Variants in MTNR1B observed in about 807,000 individuals in gnomAD.
The protein encoded by MTNR1B is melatonin receptor type 1B.
In MTNR1B, 7 loss-of-function variants were observed where a neutral mutation model predicts 7.0. That is an observed-to-expected ratio of 1.00 (90% confidence interval 0.57 to 1.88). The LOEUF (loss-of-function observed/expected upper bound fraction) is 1.88, where lower values mean the gene tolerates loss of function less well. MTNR1B is among the 40% of genes most tolerant of loss of function. The probability of loss-of-function intolerance (pLI) is 0.00; values close to 1 mark genes in which losing one functional copy is unlikely to be tolerated. For missense variants in MTNR1B, 478 were observed against 486.5 expected (o/e 0.98, Z 0.16); for synonymous variants, 226 against 208.2 (o/e 1.09, Z -0.74).
At chr11:92,984,525 G>A (rs572772296), downstream of MTNR1B, among the ~76,000 whole-genome samples, 2 of 152,242 alleles carry the variant, frequency 1.3e-5, no homozygotes, top group African/African-American at 2.4e-5. Flanking sequence ...GGCATGTATT[G>A]TTTTCTGTTC....
intron 1 of MTNR1B, among the ~76,000 whole-genome samples, chr11:92,971,660 C>T (rs2136508783): frequency 6.6e-6 from 1 of 152,202 alleles, no homozygotes. Context: ...GGCCATGGCT[C>T]CCTGCTCAGT....
chr11:92,983,924 C>T (rs2134501799), downstream of MTNR1B, among the ~76,000 whole-genome samples: 1 of 152,290 alleles, frequency 6.6e-6, no homozygotes, highest in Non-Finnish European at 1.5e-5. Flanking sequence ...TAGTAAGAAA[C>T]TGAAACTCAA....
chr11:92,981,886 G>A lies in MTNR1B; in HGVS notation c.663G>A (p.Leu221=). The A allele has an allele frequency of 6.2e-7, 1 of 1,614,190 alleles. No homozygotes were observed. The highest frequency in any genetic ancestry group is 8.5e-7 in the Non-Finnish European group (1 of 1,180,036). ...LPIAVVSFCY[L]RIWVLVLQAR... ...TCGCTGTCGTGTCCTTCTGCTACCT[G>A]CGCATCTGGGTGCTGGTGCTTCAGG... The change falls in exon 2 of 2, where the codon CTG becomes CTA. Residue 221 remains leucine, a synonymous_variant. Coordinates refer to ENST00000257068, the MANE Select transcript of MTNR1B (RefSeq NM_005959.5).
chr11:92,977,905 A>G (rs1858035995), intron 1 of MTNR1B, among the ~76,000 whole-genome samples: 1 of 152,236 alleles, frequency 6.6e-6, no homozygotes, highest in Non-Finnish European at 1.5e-5. Context: ...CTTCCCCAAC[A>G]TATCCCTCTT....
intron 1 of MTNR1B, 61 bp from the exon 2 acceptor site, chr11:92,981,386 T>C (rs1858098925): frequency 2.6e-6 from 4 of 1,553,088 alleles, no homozygotes; most frequent in South Asian, 2.5e-5. Flanking sequence ...GAGGGTAGGA[T>C]GTTCTACAGA....
At chr11:92,976,220 C>T (rs1858007323) in intron 1 of MTNR1B, among the ~76,000 whole-genome samples, 1 of 152,130 alleles carries the variant, frequency 6.6e-6, no homozygotes, top group Non-Finnish European at 1.5e-5. Context: ...CTGAAAGCTC[C>T]TACTGGCTCT....
chr11:92,979,504 A>AT (rs1229379314), intron 1 of MTNR1B, among the ~76,000 whole-genome samples: 3 of 152,238 alleles, frequency 2.0e-5, no homozygotes, highest in Non-Finnish European at 4.4e-5. Flanking sequence ...AAATCTGTGA[A>AT]TAGTAGAGTA....
Position 92,981,624 on chromosome 11 carries a change from T to C in MTNR1B, c.401T>C (p.Ile134Thr). ...VIGSVFNITA[I>T]AINRYCYICH... ...GGCTCTGTCTTCAATATCACTGCCATCGCCATTAACCGCTACTGCTACATC... is the reference window on the plus strand; with the variant it reads ...GGCTCTGTCTTCAATATCACTGCCACCGCCATTAACCGCTACTGCTACATC... Residue 134 changes from isoleucine to threonine, a missense_variant, in exon 2 of 2, where the codon ATC (isoleucine) becomes ACC (threonine). Coordinates refer to ENST00000257068, the MANE Select transcript of MTNR1B (RefSeq NM_005959.5). The C allele has an allele frequency of 6.2e-7, 1 of 1,614,206 alleles. No individual in the cohort carries two copies. Among genetic ancestry groups the C allele is most frequent in the Non-Finnish European group, 8.5e-7 (1 of 1,180,048 alleles).
downstream of MTNR1B, chr11:92,984,804 T>C (rs1369459163): frequency 4.5e-6 from 2 of 440,872 alleles, no homozygotes; most frequent in South Asian, 3.3e-5. Flanking sequence ...CTTGGATCCA[T>C]AGGTTTTTGG....
intron 1 of MTNR1B, chr11:92,972,472 C>T (rs1857946043): frequency 4.4e-6 from 2 of 455,868 alleles, no homozygotes; most frequent in Non-Finnish European, 8.8e-6. Flanking sequence ...GATATCCTAT[C>T]TGTAGTGTCT....
chr11:92,981,428 G>T lies in MTNR1B; in HGVS notation c.224-19G>T. On this transcript the variant is annotated intron_variant, in intron 1 of 1. Transcript: ENST00000257068. ...GTCGTGGGGTCTCGTGCTGACTGTT[G>T]CTCTGTTTGCTGCTTCAGGTAATTT... 1.9e-6 allele frequency: 3 copies of T among 1,605,378 alleles called. No individual in the cohort carries two copies. Among genetic ancestry groups the T allele is most frequent in the Non-Finnish European group, 2.6e-6 (3 of 1,174,994 alleles).
intron 1 of MTNR1B, among the ~76,000 whole-genome samples, chr11:92,979,294 C>T (rs1161161564): frequency 6.6e-6 from 1 of 152,150 alleles, no homozygotes; most frequent in African/African-American, 2.4e-5. Context: ...GAGGGAATCC[C>T]TCATGTTCTT....
At position 92,982,230 on chromosome 11, in the gene MTNR1B, C is replaced by T. The variant is rs760459053; in HGVS notation, c.1007C>T (p.Ala336Val). 2 of 1,614,240 alleles carry T rather than the reference C, an allele frequency of 1.2e-6. No homozygotes were observed. Among genetic ancestry groups the T allele is most frequent in the Non-Finnish European group, 1.7e-6 (2 of 1,180,040 alleles). Reference sequence around the variant, plus strand: ...AACCCACGGCACTGCATTCAAGATGCTTCCAAGGGCAGCCACGCGGAGGGG... The same window carrying T: ...AACCCACGGCACTGCATTCAAGATGTTTCCAAGGGCAGCCACGCGGAGGGG... The part of the protein sequence containing the change: ...LWNPRHCIQD[A>V]SKGSHAEGLQ... The change falls in exon 2 of 2, where the codon GCT becomes GTT. Residue 336 changes from alanine to valine, a missense_variant. By Grantham distance (64) the Ala-to-Val change is moderately conservative. Coordinates refer to ENST00000257068, the MANE Select transcript of MTNR1B (RefSeq NM_005959.5).
Position 92,981,329 on chromosome 11 carries a change from C to G in MTNR1B, c.224-118C>G, listed in dbSNP as rs966284314. The stretch of plus-strand genomic sequence containing the variant: ...AATCTGAGTCTTCAGTTCTGTGCCT[C>G]TAAGAGCCACTTGGTTTCCACTCAC... On this transcript the variant is annotated intron_variant, in intron 1 of 1. Transcript: ENST00000257068. 17 of 1,415,562 alleles carry G rather than the reference C, an allele frequency of 1.2e-5. No individual in the cohort carries two copies. The South Asian group carries it at 1.5e-4, about 12-fold the overall frequency. 87.7% of individuals were successfully genotyped at this position (1,415,562 alleles called of 1,614,324 possible). A position where few individuals can be genotyped will look rare whatever the true frequency, so the allele number is the denominator to read the frequency against.
rs777163058 is a variant in MTNR1B at position 92,969,785 on chromosome 11, G to C, written c.60G>C (p.Pro20=). 6.5e-7 allele frequency: 1 copy of C among 1,545,258 alleles called. No homozygotes were observed. The highest frequency in any genetic ancestry group is 1.2e-5 in the South Asian group (1 of 83,928). Residue 20 remains proline, a synonymous_variant, in exon 1 of 2, where the codon CCG becomes CCC. Coordinates refer to ENST00000257068, the MANE Select transcript of MTNR1B (RefSeq NM_005959.5). ...CCEAGGWAVR[P]GWSGAGSARP... Reference sequence around the variant, plus strand: ...AGGCGGGCGGGTGGGCAGTGCGCCCGGGCTGGTCGGGGGCTGGCAGCGCGC... The same window carrying C: ...AGGCGGGCGGGTGGGCAGTGCGCCCCGGCTGGTCGGGGGCTGGCAGCGCGC...
intron 1 of MTNR1B, among the ~76,000 whole-genome samples, chr11:92,976,324 T>C (rs551257911): frequency 6.6e-6 from 1 of 152,298 alleles, no homozygotes; most frequent in African/African-American, 2.4e-5. Flanking sequence ...AGAAGGAATG[T>C]CCTACTTTCT....
At chr11:92,972,732 C>CT in intron 1 of MTNR1B, 1 of 352,220 alleles carries the variant, frequency 2.8e-6, no homozygotes, top group Non-Finnish European at 5.6e-6. Context: ...CCGTTGAGAA[C>CT]TTTCCCTCCT....
At chr11:92,970,320 T>A (rs866944540) in intron 1 of MTNR1B, among the ~76,000 whole-genome samples, 5 of 152,208 alleles carry the variant, frequency 3.3e-5, no homozygotes, top group Non-Finnish European at 7.3e-5. Context: ...CCACCTGTAC[T>A]TGACATCCCA....
At chr11:92,983,362 A>G (rs930762118), downstream of MTNR1B, among the ~76,000 whole-genome samples, 2 of 152,028 alleles carry the variant, frequency 1.3e-5, no homozygotes, top group Non-Finnish European at 2.9e-5. Context: ...TCTCTACAAA[A>G]ATTAGCTGGG....
Sources: allele counts gnomAD v4.1 joint callset (sites outside exome capture counted in the v4.1 genomes callset), GRCh38; gene constraint gnomAD v4.1.1; transcripts MANE v1.5; gene names NCBI Gene and HGNC (gene_info 2026-07-23, HGNC 2026-07-21).